FAM153A: variants seen among roughly 807,000 people sequenced by gnomAD.
FAM153A encodes family with sequence similarity 153 member A, also known as protein FAM153A.
Under a neutral mutation model 48.1 loss-of-function variants are expected in FAM153A, and 12 were observed. The observed-to-expected ratio is 0.25, with a 90% confidence interval of 0.16 to 0.40. The LOEUF is 0.40. Ranked by LOEUF, FAM153A falls within the 10% of genes least tolerant of loss-of-function variation. The probability of loss-of-function intolerance (pLI) is 1.00; values close to 1 mark genes in which losing one functional copy is unlikely to be tolerated. For synonymous variants in FAM153A, 36 were observed against 118.2 expected, an observed-to-expected ratio of 0.30 and a Z score of 4.51; for missense variants, 111 against 345.8, an observed-to-expected ratio of 0.32 and a Z score of 5.38.
chr5:177,756,687 C>G (rs1414409010), upstream of FAM153A, among the ~76,000 whole-genome samples: 2 of 151,918 alleles, frequency 1.3e-5, no homozygotes, highest in East Asian at 3.9e-4. Flanking sequence ...GAAACTCACT[C>G]AAAACCACTC....
At chr5:177,707,638 C>T (rs1289576845), downstream of FAM153A, among the ~76,000 whole-genome samples, 14 of 151,160 alleles carry the variant, frequency 9.3e-5, no homozygotes, top group South Asian at 2.9e-3. Context: ...TTTTTTGAGA[C>T]GGAGTCTTAC....
At chr5:177,759,717 A>G (rs1238350461) in intron 1 of FAM153A, among the ~76,000 whole-genome samples, 1 of 151,466 alleles carries the variant, frequency 6.6e-6, no homozygotes, top group Non-Finnish European at 1.5e-5. Flanking sequence ...AGCAAGGACA[A>G]AAAACCAAAT....
chr5:177,738,016 AGT>A lies in FAM153A; in HGVS notation c.563-906_563-905del, dbSNP rs963251157. The stretch of plus-strand genomic sequence containing the variant: ...GTCCTTCTGCCCTTCCTTTTAACAC[AGT>A]GTGTGTGTGCCACGGGACCTGCTGC... On this transcript the variant is annotated intron_variant, in intron 10 of 20. Transcript: ENST00000614127. 4.7e-4 allele frequency among the ~76,000 whole-genome samples: 72 copies of A among 151,614 alleles called. 3 individuals carry two copies. The highest frequency in any genetic ancestry group is 1.6e-3 in the African/African-American group (65 of 40,954).
chr5:177,729,679 T>C (rs1224292371), intron 16 of FAM153A, 124 bp from the exon 19 acceptor site: 1 of 1,556,334 alleles, frequency 6.4e-7, no homozygotes, highest in African/African-American at 1.4e-5. Flanking sequence ...ACTCAGCTGC[T>C]GCCGGTCCAT....
chr5:177,755,472 G>T (rs1402377948), upstream of FAM153A, among the ~76,000 whole-genome samples: 1 of 151,678 alleles, frequency 6.6e-6, no homozygotes, highest in East Asian at 1.9e-4. Context: ...TCAAATTCAG[G>T]AAATACAGAG....
chr5:177,719,459 GA>G (rs2127578362), downstream of FAM153A, among the ~76,000 whole-genome samples: 1 of 150,898 alleles, frequency 6.6e-6, no homozygotes, highest in Non-Finnish European at 1.5e-5. Context: ...GAGAAAGAGA[GA>G]AAAAGGGAGG....
chr5:177,735,156 G>T (rs1764509306), intron 12 of FAM153A, among the ~76,000 whole-genome samples: 1 of 150,252 alleles, frequency 6.7e-6, no homozygotes, highest in Non-Finnish European at 1.5e-5. Flanking sequence ...TGTGTCCCTG[G>T]CAGCCTCTTA....
chr5:177,719,060 T>A (rs1760524876), downstream of FAM153A, among the ~76,000 whole-genome samples: 1 of 151,324 alleles, frequency 6.6e-6, no homozygotes, highest in Non-Finnish European at 1.5e-5. Flanking sequence ...TTTGTATTTT[T>A]TTTTGTAGAA....
downstream of FAM153A, among the ~76,000 whole-genome samples, chr5:177,706,474 C>T (rs1262798041): frequency 1.6e-4 from 24 of 151,652 alleles, no homozygotes; most frequent in Admixed American, 1.2e-3. Flanking sequence ...GCTGGGATTA[C>T]AGGCGTGAGC....
intron 1 of FAM153A, among the ~76,000 whole-genome samples, chr5:177,769,474 G>T (rs1426795378): frequency 3.1e-5 from 3 of 95,862 alleles, no homozygotes; most frequent in African/African-American, 1.3e-4. Context: ...AGTTAATGGG[G>T]AACTACTGCA....
At chr5:177,709,790 C>T (rs1406166639), downstream of FAM153A, among the ~76,000 whole-genome samples, 4 of 124,036 alleles carry the variant, frequency 3.2e-5, no homozygotes, top group Admixed American at 3.3e-4. Context: ...CCTGCCTCAG[C>T]CTCGCTAAGG....
At chr5:177,709,674 GTTTTTTTTTT>G (rs71585653), downstream of FAM153A, among the ~76,000 whole-genome samples, 3 of 106,924 alleles carry the variant, frequency 2.8e-5, no homozygotes, top group Non-Finnish European at 5.8e-5. Context: ...TTTTTTTTTT[GTTTTTTTTTT>G]TTTTTGACCA....
chr5:177,758,578 C>T (rs1284045951), intron 1 of FAM153A, among the ~76,000 whole-genome samples: 3 of 139,360 alleles, frequency 2.2e-5, no homozygotes, highest in African/African-American at 5.1e-5. Flanking sequence ...TCAAACTATA[C>T]TACAAGGCTA....
chr5:177,734,645 G>T (rs1764393722), intron 13 of FAM153A, among the ~76,000 whole-genome samples: 1 of 144,466 alleles, frequency 6.9e-6, no homozygotes, highest in East Asian at 2.0e-4. Context: ...AACAAAATTG[G>T]TAAGGCTCAC....
chr5:177,758,721 G>T (rs1767996950), intron 1 of FAM153A, among the ~76,000 whole-genome samples: 1 of 150,904 alleles, frequency 6.6e-6, no homozygotes, highest in Non-Finnish European at 1.5e-5. Context: ...AACAAGAAAT[G>T]GGGAAAGGAT....
downstream of FAM153A, among the ~76,000 whole-genome samples, chr5:177,709,490 T>C (rs1467316180): frequency 6.8e-6 from 1 of 147,622 alleles, no homozygotes; most frequent in Admixed American, 6.7e-5. Context: ...GCCTCCCGAA[T>C]AGCTGGGATT....
At position 177,736,560 on chromosome 5, in the gene FAM153A, A is replaced by T. The variant is rs376714440; in HGVS notation, c.664+19T>A. 2.2e-6 allele frequency: 3 copies of T among 1,359,972 alleles called. No individual in the cohort carries two copies. Among genetic ancestry groups the T allele is most frequent in the Non-Finnish European group, 3.0e-6 (3 of 992,522 alleles). 84.2% of individuals were successfully genotyped at this position (1,359,972 alleles called of 1,614,324 possible). A position where few individuals can be genotyped will look rare whatever the true frequency, so the allele number is the denominator to read the frequency against. On this transcript the variant is annotated intron_variant, in intron 12 of 20. Coordinates refer to ENST00000614127, the Ensembl canonical transcript of FAM153A. Reference sequence around the variant, plus strand: ...TAATATTTTGAACCTAAACAAAGAGATGATCCCAGAATACGTACATTCGGC... The same window carrying T: ...TAATATTTTGAACCTAAACAAAGAGTTGATCCCAGAATACGTACATTCGGC...
chr5:177,728,234 C>T (rs1272191411), intron 18 of FAM153A, among the ~76,000 whole-genome samples: 1 of 104,060 alleles, frequency 9.6e-6, no homozygotes, highest in East Asian at 3.0e-4. Context: ...AACTCTGCAG[C>T]GTGTCCATCT....
chr5:177,764,309 C>T (rs1393412258), intron 1 of FAM153A, among the ~76,000 whole-genome samples: 2 of 151,478 alleles, frequency 1.3e-5, no homozygotes, highest in African/African-American at 4.9e-5. Flanking sequence ...TAAACTCAGC[C>T]CTAGAAAGAT....
Sources: allele counts gnomAD v4.1 joint callset (sites outside exome capture counted in the v4.1 genomes callset), GRCh38; gene constraint gnomAD v4.1.1; transcripts MANE v1.5; gene names NCBI Gene and HGNC (gene_info 2026-07-23, HGNC 2026-07-21).